Variants in SESN2 observed in about 807,000 individuals in gnomAD.
SESN2 encodes sestrin-2.
A neutral mutation model predicts 56.0 loss-of-function variants in SESN2; 42 were observed. That is an observed-to-expected ratio of 0.75 (90% confidence interval 0.59 to 0.97). SESN2 has a LOEUF of 0.97. SESN2 is among the 50% of genes least tolerant of loss of function. The probability of loss-of-function intolerance (pLI) is 0.00; values close to 1 mark genes in which losing one functional copy is unlikely to be tolerated. For missense variants in SESN2, 507 were observed against 649.4 expected (o/e 0.78, Z 2.38); for synonymous variants, 264 against 267.1 (o/e 0.99, Z 0.11).
At chr1:28,269,666 ATCC>A (rs1647687650) in intron 2 of SESN2, among the ~76,000 whole-genome samples, 1 of 152,222 alleles carries the variant, frequency 6.6e-6, no homozygotes, top group African/African-American at 2.4e-5. Context: ...GATCTCCTGT[ATCC>A]TCCTGCACCC....
intron 1 of SESN2, among the ~76,000 whole-genome samples, chr1:28,260,973 G>T (rs1194771806): frequency 6.6e-6 from 1 of 152,126 alleles, no homozygotes; most frequent in Non-Finnish European, 1.5e-5. Flanking sequence ...CCCACGATGG[G>T]CTCAGAAAGA....
At chr1:28,260,016 C>A (rs1255765366) in intron 1 of SESN2, 79 bp downstream of exon 1, 1 of 1,137,600 alleles carries the variant, frequency 8.8e-7, no homozygotes, top group Non-Finnish European at 1.2e-6. Flanking sequence ...GGAGCTGAGT[C>A]GGTGTGTCCT....
chr1:28,273,531 G>C, intron 6 of SESN2, 23 bp downstream of exon 6: 1 of 1,541,756 alleles, frequency 6.5e-7, no homozygotes, highest in Non-Finnish European at 8.7e-7. Context: ...AGGCATCCAG[G>C]CTCCCGTGGC....
rs962651903 is a variant in SESN2 at position 28,259,810 on chromosome 1, G to C, written c.-38G>C. The C allele has an allele frequency of 7.3e-7, 1 of 1,360,642 alleles. No homozygotes were observed. The highest frequency in any genetic ancestry group is 9.5e-7 in the Non-Finnish European group (1 of 1,054,234). 84.3% of individuals were successfully genotyped at this position (1,360,642 alleles called of 1,614,324 possible). A position where few individuals can be genotyped will look rare whatever the true frequency, so the allele number is the denominator to read the frequency against. The stretch of plus-strand genomic sequence containing the variant: ...CCTCCGAAACCCACTCGGGTGCACG[G>C]GTCGTCGGCGAGCCGCGACCGGGTC... On this transcript the variant is annotated 5_prime_UTR_variant, in exon 1 of 10. Transcript: ENST00000253063.
At chr1:28,276,528 C>A (rs1648046391) in intron 8 of SESN2, among the ~76,000 whole-genome samples, 1 of 146,720 alleles carries the variant, frequency 6.8e-6, no homozygotes, top group Non-Finnish European at 1.5e-5. Context: ...ATACTATCTG[C>A]TGTTATTATT....
At chr1:28,264,264 A>G (rs1222731833) in intron 1 of SESN2, among the ~76,000 whole-genome samples, 1 of 152,064 alleles carries the variant, frequency 6.6e-6, no homozygotes, top group African/African-American at 2.4e-5. Context: ...GGTTGCAGTG[A>G]GCCAAGATCA....
At chr1:28,274,341 G>A (rs1393680002) in intron 7 of SESN2, among the ~76,000 whole-genome samples, 183 bp downstream of exon 7, 1 of 152,154 alleles carries the variant, frequency 6.6e-6, no homozygotes, top group African/African-American at 2.4e-5. Flanking sequence ...AGACTAGCCT[G>A]GGCAACATGG....
At chr1:28,271,098 A>G (rs903035190) in intron 2 of SESN2, among the ~76,000 whole-genome samples, 1 of 152,214 alleles carries the variant, frequency 6.6e-6, no homozygotes, top group Admixed American at 6.5e-5. Flanking sequence ...CAGATCTGTG[A>G]CTTTGAGCAA....
In SESN2 at chr1:28,274,965, C is replaced by T. The variant is rs369442001; in HGVS notation, c.1161C>T (p.Ser387=). The change falls in exon 8 of 10, where the codon TCC becomes TCT. Residue 387 remains serine (S), a synonymous_variant. Transcript: ENST00000253063. ...TIAMHSGVDT[S]VLRRAIWNYI... ...CCATGCACAGTGGTGTGGACACCTCCGTGCTCCGCAGGGCCATCTGGAACT... is the reference window on the plus strand; with the variant it reads ...CCATGCACAGTGGTGTGGACACCTCTGTGCTCCGCAGGGCCATCTGGAACT... The T allele has an allele frequency of 2.8e-5, 45 of 1,614,136 alleles. No individual in the cohort carries two copies. The Middle Eastern group carries it at 4.9e-4, about 18-fold the overall frequency.
At chr1:28,280,165 A>G (rs1242671893) in intron 9 of SESN2, among the ~76,000 whole-genome samples, 1 of 152,106 alleles carries the variant, frequency 6.6e-6, no homozygotes, top group Non-Finnish European at 1.5e-5. Flanking sequence ...TCTGGACTCA[A>G]GTGATCCTCT....
intron 9 of SESN2, 148 bp downstream of exon 9, chr1:28,279,389 T>G: frequency 1.4e-6 from 1 of 732,470 alleles, no homozygotes; most frequent in Non-Finnish European, 2.2e-6. Context: ...TGAAGTCCTA[T>G]TCCACTGTGT....
chr1:28,277,973 C>T (rs1202804906), intron 8 of SESN2, among the ~76,000 whole-genome samples: 2 of 152,210 alleles, frequency 1.3e-5, no homozygotes, highest in Non-Finnish European at 2.9e-5. Context: ...TCTTCCAAAT[C>T]TGCCCTCCAG....
chr1:28,270,275 C>T (rs978164630), intron 2 of SESN2, among the ~76,000 whole-genome samples: 4 of 151,144 alleles, frequency 2.6e-5, no homozygotes, highest in Non-Finnish European at 4.4e-5. Context: ...GGCATGAACC[C>T]GGGAGGCGGA....
At chr1:28,271,923 G>A in intron 3 of SESN2, 52 bp downstream of exon 3, 1 of 1,548,040 alleles carries the variant, frequency 6.5e-7, no homozygotes, top group South Asian at 1.1e-5. Context: ...GGTGGGTTCT[G>A]TCCTTTGATC....
chr1:28,272,604 C>T lies in SESN2; in HGVS notation c.561C>T (p.His187=). ...AGGCCTTGCTGAAGACCGGCGAGCA[C>T]ACTTGGTCCCTGGCCGAGCTCATTC... ...HIQALLKTGE[H]TWSLAELIQA... is the part of the protein sequence containing the mutation. Residue 187 remains histidine, a synonymous_variant, in exon 5 of 10, where the codon CAC becomes CAT. Coordinates refer to ENST00000253063, the MANE Select transcript of SESN2 (RefSeq NM_031459.5). The T allele has an allele frequency of 6.2e-7, 1 of 1,614,120 alleles. No individual in the cohort carries two copies. The highest frequency in any genetic ancestry group is 8.5e-7 in the Non-Finnish European group (1 of 1,180,012).
intron 5 of SESN2, among the ~76,000 whole-genome samples, chr1:28,273,088 T>C (rs896878095): frequency 1.4e-4 from 21 of 152,232 alleles, no homozygotes; most frequent in African/African-American, 5.1e-4. Flanking sequence ...AGTTTACCTT[T>C]TACTCTGTAA....
At position 28,281,005 on chromosome 1, in the gene SESN2, C is replaced by T. The variant is rs1648221447; in HGVS notation, c.*203C>T. 5.6e-6 allele frequency: 3 copies of T among 536,078 alleles called. No homozygotes were observed. The highest frequency in any genetic ancestry group is 2.5e-5 in the South Asian group (1 of 39,400). The allele number at this position is 536,078 out of a possible 1,614,324, so 33.2% of individuals were successfully genotyped here. Reference sequence around the variant, plus strand: ...CACTGACTCTGGGATCTCAGCCCTGCTCCTGGGAGCTGGAAGAGCACTTGG... The same window carrying T: ...CACTGACTCTGGGATCTCAGCCCTGTTCCTGGGAGCTGGAAGAGCACTTGG... On this transcript the variant is annotated 3_prime_UTR_variant, in exon 10 of 10. Transcript: ENST00000253063.
In SESN2 at chr1:28,262,756, G is replaced by A. The variant is rs1043436323; in HGVS notation, c.90+2819G>A. ...ATTCTGGCTAATACGGTGAAACCCC[G>A]TCTCTACTAAAAATACAAAAAATTA... On this transcript the variant is annotated intron_variant, in intron 1 of 9. Transcript: ENST00000253063. Among the ~76,000 whole-genome samples the A allele has an allele frequency of 6.6e-5, 10 of 151,602 alleles. No individual in the cohort carries two copies. The East Asian group carries it at 1.2e-3, about 18-fold the overall frequency.
Position 28,279,251 on chromosome 1 carries a change from A to G in SESN2, c.1356+10A>G, listed in dbSNP as rs757780670. The stretch of plus-strand genomic sequence containing the variant: ...CCGCCACTCAGAGAAGGTATGACCT[A>G]TACAGGCAGGGCAGGATGGAAGTAG... On this transcript the variant is annotated intron_variant, in intron 9 of 9. Coordinates refer to ENST00000253063, the MANE Select transcript of SESN2 (RefSeq NM_031459.5). 3.7e-6 allele frequency: 6 copies of G among 1,613,890 alleles called. No individual in the cohort carries two copies. The highest frequency in any genetic ancestry group is 1.1e-5 in the South Asian group (1 of 91,062).
Sources: gnomAD v4.1 joint callset for allele counts (sites outside exome capture counted in the v4.1 genomes callset) on GRCh38, gnomAD v4.1.1 for gene constraint, MANE v1.5 for transcripts, NCBI Gene and HGNC (gene_info 2026-07-23, HGNC 2026-07-21) for gene names.